The following ECE2 variants were observed in gnomAD, a reference collection of about 807,000 sequenced individuals.
ECE2 encodes the protein endothelin-converting enzyme 2.
ECE2 carries 81 observed loss-of-function variants against 100.6 expected under a neutral mutation model. The observed-to-expected ratio is 0.81, with a 90% CI of 0.67 to 0.97. ECE2 has a LOEUF of 0.97. ECE2 is among the 50% of genes least tolerant of loss of function. The pLI is 0.00. For missense variants in ECE2, 911 were observed against 988.1 expected, an observed-to-expected ratio of 0.92 and a Z score of 1.05; for synonymous variants, 391 against 391.5, an observed-to-expected ratio of 1.00 and a Z score of 0.02.
Position 184,284,975 on chromosome 3 carries a change from T to A in ECE2, c.1018T>A (p.Ser340Thr). Residue 340 changes from serine (S) to threonine (T), a missense_variant, in exon 9 of 19, where the codon TCC becomes ACC. Ser to Thr is a moderately conservative substitution (Grantham distance 58). Coordinates refer to ENST00000404464, the MANE Select transcript of ECE2 (RefSeq NM_001100121.2). ...TTTTTTCTTTCAGGCTCTGGCGCCC[T>A]CCATGGACTGGCTTGAGTTCCTGTC... ...SISELQALAP[S>T]MDWLEFLSFL... is the part of the protein sequence containing the mutation. The A allele has an allele frequency of 6.2e-7, 1 of 1,614,002 alleles. No homozygotes were observed. The highest frequency in any genetic ancestry group is 1.7e-4 in the Middle Eastern group (1 of 6,046).
Position 184,292,116 on chromosome 3 carries a change from C to T in ECE2, c.2176C>T (p.Pro726Ser). Residue 726 changes from proline (P) to serine (S), a missense_variant, in exon 19 of 19, where the codon CCC (proline) becomes TCC (serine). By Grantham distance (74) the Pro-to-Ser change is moderately conservative (BLOSUM62 -1). Coordinates refer to ENST00000404464, the MANE Select transcript of ECE2 (RefSeq NM_001100121.2). Reference sequence around the variant, plus strand: ...CTCTCACGAGGGGCTGGTGACCGACCCCCACAGCCCTGCCCGCTTCCGCGT... The same window carrying T: ...CTCTCACGAGGGGCTGGTGACCGACTCCCACAGCCCTGCCCGCTTCCGCGT... Reference protein sequence around the residue: ...ESSHEGLVTDPHSPARFRVLG... With the variant: ...ESSHEGLVTDSHSPARFRVLG... 6.2e-7 allele frequency: 1 copy of T among 1,614,038 alleles called. No homozygotes were observed. Among genetic ancestry groups the T allele is most frequent in the Non-Finnish European group, 8.5e-7 (1 of 1,180,026 alleles).
Position 184,278,147 on chromosome 3 carries a change from C to T in ECE2, c.604-20C>T, listed in dbSNP as rs371700807. ...TTGGGAGCTCCTGCACTAATCATTCCACTTATGGTCTCTACATAGATTGGT... is the reference window on the plus strand; with the variant it reads ...TTGGGAGCTCCTGCACTAATCATTCTACTTATGGTCTCTACATAGATTGGT... On this transcript the variant is annotated intron_variant, in intron 5 of 18. Transcript: ENST00000404464. 1.5e-5 allele frequency: 25 copies of T among 1,613,698 alleles called. No individual in the cohort carries two copies. The African/African-American group carries it at 2.4e-4, about 16-fold the overall frequency.
At chr3:184,282,763 A>G (rs1464041930) in intron 7 of ECE2, among the ~76,000 whole-genome samples, 1 of 152,144 alleles carries the variant, frequency 6.6e-6, no homozygotes, top group Non-Finnish European at 1.5e-5. Context: ...CATCTTCCCA[A>G]GCTTCTGCCC....
chr3:184,291,983 C>A lies in ECE2; in HGVS notation c.2122-79C>A. The A allele has an allele frequency of 6.6e-7, 1 of 1,505,032 alleles. No homozygotes were observed. The highest frequency in any genetic ancestry group is 9.0e-7 in the Non-Finnish European group (1 of 1,111,276). 93.2% of individuals were successfully genotyped at this position (1,505,032 alleles called of 1,614,324 possible). A position where few individuals can be genotyped will look rare whatever the true frequency, so the allele number is the denominator to read the frequency against. ...GGCTGCAGCGGTGGTGGTTTGTGCC[C>A]CTGGGATGGCTGTAGCTGACTCTAA... On this transcript the variant is annotated intron_variant, in intron 18 of 18. Transcript: ENST00000404464. The surrounding 1 kb of genome is among the most constrained non-coding windows in gnomAD (Gnocchi z 4.1).
Position 184,276,173 on chromosome 3 carries a change from A to G in ECE2, c.20A>G (p.Glu7Gly). The part of the protein sequence containing the change: MNVALQ[E>G]LGAGSNMVEY... The stretch of plus-strand genomic sequence containing the variant: ...TCCACCATGAACGTCGCGCTGCAGG[A>G]GCTGGGAGCTGGCAGCAACGTGAGT... Residue 7 changes from glutamate (E) to glycine (G), a missense_variant, in exon 1 of 19, where the codon GAG (glutamate) becomes GGG (glycine). Transcript: ENST00000404464. The G allele has an allele frequency of 6.9e-7, 1 of 1,441,238 alleles. No individual in the cohort carries two copies. Among genetic ancestry groups the G allele is most frequent in the Admixed American group, 2.8e-5 (1 of 36,256 alleles). 89.3% of individuals were successfully genotyped at this position (1,441,238 alleles called of 1,614,324 possible).
intron 11 of ECE2, among the ~76,000 whole-genome samples, chr3:184,288,259 G>A (rs1416132941): frequency 1.9e-4 from 27 of 140,896 alleles, no homozygotes; most frequent in East Asian, 4.5e-4. Flanking sequence ...GCAGTGAGCC[G>A]AGATCGCGCC....
chr3:184,280,316 CAG>C (rs1440100054), intron 7 of ECE2, among the ~76,000 whole-genome samples: 1 of 152,190 alleles, frequency 6.6e-6, no homozygotes, highest in Non-Finnish European at 1.5e-5. Flanking sequence ...CATCCGTAAA[CAG>C]GGGATCATAG....
chr3:184,289,773 C>T lies in ECE2; in HGVS notation c.1551+55C>T. 5 of 1,480,844 alleles carry T rather than the reference C, an allele frequency of 3.4e-6. No individual in the cohort carries two copies. Among genetic ancestry groups the T allele is most frequent in the South Asian group, 1.3e-5 (1 of 76,606 alleles). 91.7% of individuals were successfully genotyped at this position (1,480,844 alleles called of 1,614,324 possible). ...TTCAGCCCTGTAGAGGGCACTGTTC[C>T]CTGGGCTTAGAAATTGGGGCTCAAG... is the stretch of plus-strand genomic sequence containing the variant. On this transcript the variant is annotated intron_variant, in intron 13 of 18. Transcript: ENST00000404464. This position sits in a 1 kb window ranked among gnomAD's most constrained non-coding sequence, Gnocchi z 4.1.
In ECE2 at chr3:184,284,968, G is replaced by T. The variant is rs1377516467; in HGVS notation, c.1011G>T (p.Leu337=). 6.2e-7 allele frequency: 1 copy of T among 1,613,628 alleles called. No individual in the cohort carries two copies. Among genetic ancestry groups the T allele is most frequent in the Admixed American group, 1.7e-5 (1 of 59,860 alleles). The part of the protein sequence containing the change: ...HKMSISELQA[L]APSMDWLEFL... ...CTGAGATTTTTTTCTTTCAGGCTCT[G>T]GCGCCCTCCATGGACTGGCTTGAGT... The change falls in exon 9 of 19, where the codon CTG becomes CTT. Residue 337 remains leucine (L), a synonymous_variant. Transcript: ENST00000404464.
At chr3:184,283,047 A>T (rs751748759) in intron 7 of ECE2, among the ~76,000 whole-genome samples, 68 of 152,164 alleles carry the variant, frequency 4.5e-4, no homozygotes, top group Non-Finnish European at 1.3e-4. Flanking sequence ...CAGAGAAGGC[A>T]CATGGTCACT....
chr3:184,284,098 TC>T (rs1289988733), intron 8 of ECE2, 125 bp downstream of exon 8: 2 of 1,210,752 alleles, frequency 1.7e-6, no homozygotes, highest in Non-Finnish European at 2.3e-6. Context: ...TTTTCTGTGC[TC>T]CCCAGCTGCA....
chr3:184,292,248 A>T lies in ECE2; in HGVS notation c.*10A>T, dbSNP rs373628374. On this transcript the variant is annotated 3_prime_UTR_variant, in exon 19 of 19. Transcript: ENST00000404464. ...GTGTGAGGTGTGGTAGACCTGGATC[A>T]GGGGAGAAATGGCCAGCTGTCACCA... 2 of 1,613,054 alleles carry T rather than the reference A, an allele frequency of 1.2e-6. No individual in the cohort carries two copies. The highest frequency in any genetic ancestry group is 1.7e-6 in the Non-Finnish European group (2 of 1,179,516).
chr3:184,276,507 T>A lies in ECE2; in HGVS notation c.66T>A (p.Leu22=), dbSNP rs764776942. Residue 22 remains leucine, a synonymous_variant, in exon 2 of 19, where the codon CTT becomes CTA. Coordinates refer to ENST00000404464, the MANE Select transcript of ECE2 (RefSeq NM_001100121.2). Reference sequence around the variant, plus strand: ...TGGTGGAGTACAAACGGGCCACGCTTCGGGATGAAGACGCACCCGAGACCC... The same window carrying A: ...TGGTGGAGTACAAACGGGCCACGCTACGGGATGAAGACGCACCCGAGACCC... ...SNMVEYKRAT[L]RDEDAPETPV... The A allele has an allele frequency of 1.9e-6, 3 of 1,610,812 alleles. No homozygotes were observed. In the African/African-American group the frequency reaches 4.0e-5, roughly 22 times the overall value.
At chr3:184,277,824 C>A in intron 4 of ECE2, 101 bp from the exon 5 acceptor site, 1 of 1,523,702 alleles carries the variant, frequency 6.6e-7, no homozygotes. Context: ...GTTAGCAGGA[C>A]TGCTCATTGA....
intron 2 of ECE2, 150 bp from the exon 3 acceptor site, chr3:184,276,740 CAG>C (rs1392665394): frequency 1.9e-6 from 3 of 1,551,512 alleles, no homozygotes; most frequent in African/African-American, 2.7e-5. Flanking sequence ...TTGCACAAAA[CAG>C]ACTCAAGGCT....
chr3:184,291,537 G>A lies in ECE2; in HGVS notation c.2121+98G>A. On this transcript the variant is annotated intron_variant, in intron 18 of 18. Transcript: ENST00000404464. This position sits in a 1 kb window ranked among gnomAD's most constrained non-coding sequence, Gnocchi z 4.1. Reference sequence around the variant, plus strand: ...TCTGGGGCACGTGTCAAACGGGCTGGTGAATGGGGCTGAGGCTGGGGCATG... The same window carrying A: ...TCTGGGGCACGTGTCAAACGGGCTGATGAATGGGGCTGAGGCTGGGGCATG... The A allele has an allele frequency of 8.4e-7, 1 of 1,183,724 alleles. No individual in the cohort carries two copies. Among genetic ancestry groups the A allele is most frequent in the African/African-American group, 1.6e-5 (1 of 64,482 alleles). 73.3% of individuals were successfully genotyped at this position (1,183,724 alleles called of 1,614,324 possible). A position where few individuals can be genotyped will look rare whatever the true frequency, so the allele number is the denominator to read the frequency against.
chr3:184,285,153 C>T (rs939318609), intron 9 of ECE2, 48 bp downstream of exon 9: 3 of 1,588,456 alleles, frequency 1.9e-6, no homozygotes, highest in Non-Finnish European at 1.7e-6. Context: ...AGGTCTCCAG[C>T]AAGGCTGGGC....
chr3:184,278,860 G>A (rs1720693158), intron 7 of ECE2: 2 of 440,200 alleles, frequency 4.5e-6, no homozygotes, highest in South Asian at 2.6e-5. Context: ...GTTCAGTGTC[G>A]ATGGGTTCAT....
Position 184,289,661 on chromosome 3 carries a change from G to T in ECE2, c.1494G>T (p.Met498Ile), listed in dbSNP as rs181478482. ...TTCAGGCAGATGCCATCTATGATAT[G>T]ATTGGTTTCCCAGACTTTATCCTGG... Reference protein sequence around the residue: ...AKEKADAIYDMIGFPDFILEP... With the variant: ...AKEKADAIYDIIGFPDFILEP... The change falls in exon 13 of 19, where the codon ATG becomes ATT. Residue 498 changes from methionine to isoleucine, a missense_variant. Physicochemically the swap from Met to Ile is conservative, Grantham distance 10 (BLOSUM62 1). Coordinates refer to ENST00000404464, the MANE Select transcript of ECE2 (RefSeq NM_001100121.2). The surrounding 1 kb of genome is among the most constrained non-coding windows in gnomAD (Gnocchi z 4.1). 14 of 1,613,804 alleles carry T rather than the reference G, an allele frequency of 8.7e-6. No individual in the cohort carries two copies. The East Asian group carries it at 3.1e-4, about 36-fold the overall frequency.
Sources: allele counts gnomAD v4.1 joint callset (sites outside exome capture counted in the v4.1 genomes callset), GRCh38; gene constraint gnomAD v4.1.1; non-coding constraint Gnocchi (gnomAD v3.1); transcripts MANE v1.5; gene names NCBI Gene and HGNC (gene_info 2026-07-23, HGNC 2026-07-21).